Variants in RER1 observed in about 807,000 individuals in gnomAD.
RER1 encodes the protein protein RER1.
Under a neutral mutation model 28.3 loss-of-function variants are expected in RER1, and 6 were observed. That is an observed-to-expected ratio of 0.21 (90% confidence interval 0.12 to 0.42). RER1 has a LOEUF of 0.42. RER1 is among the 10% of genes least tolerant of loss of function. RER1 has a pLI of 1.00. For missense variants in RER1, 159 were observed against 252.9 expected, an observed-to-expected ratio of 0.63 and a Z score of 2.52; for synonymous variants, 110 against 95.9, an observed-to-expected ratio of 1.15 and a Z score of -0.86.
At chr1:2,398,275 A>G (rs919740575) in intron 3 of RER1, among the ~76,000 whole-genome samples, 3 of 151,872 alleles carry the variant, frequency 2.0e-5, no homozygotes, top group Admixed American at 6.6e-5. Context: ...GCGTTCAGCC[A>G]GGGATGGACA....
rs939775610 is a variant in RER1 at position 2,402,751 on chromosome 1, G to A, written c.502-284G>A. Among the ~76,000 whole-genome samples, 3 of 152,336 alleles carry A rather than the reference G, an allele frequency of 2.0e-5. No individual in the cohort carries two copies. The East Asian group carries it at 5.8e-4, about 29-fold the overall frequency. ...GTGCTGCGGGCCTCACTCTGTGCCC[G>A]GGGTGTTGGCTGCAGAGAGGGCCCT... On this transcript the variant is annotated intron_variant, in intron 6 of 6. Coordinates refer to ENST00000605895, the MANE Select transcript of RER1 (RefSeq NM_007033.5).
chr1:2,395,294 G>A, intron 1 of RER1: 1 of 169,014 alleles, frequency 5.9e-6, no homozygotes, highest in Admixed American at 5.6e-5. Flanking sequence ...TTCATGGGGT[G>A]GAGGACCTGG....
rs1162346658 is a variant in RER1 at position 2,402,285 on chromosome 1, G to A, written c.444G>A (p.Pro148=). ...CTTTCAACGTCCCGGTGTTCTGGCC[G>A]ATTCTGGTGATGTACTTCATCATGC... ...FDAFNVPVFW[P]ILVMYFIMLF... is the part of the protein sequence containing the mutation. Residue 148 remains proline, a synonymous_variant, in exon 6 of 7, where the codon CCG becomes CCA. Transcript: ENST00000605895. 5.0e-6 allele frequency: 8 copies of A among 1,614,212 alleles called. No individual in the cohort carries two copies. Among genetic ancestry groups the A allele is most frequent in the Admixed American group, 1.7e-5 (1 of 60,018 alleles).
Position 2,403,289 on chromosome 1 carries a change from T to A in RER1, c.*165T>A. On this transcript the variant is annotated 3_prime_UTR_variant, in exon 7 of 7. Transcript: ENST00000605895. Reference sequence around the variant, plus strand: ...TGAAATATCAGGTTCTAGAAGAAACTGGCGCTTAAACCAAATCGCATGGAT... The same window carrying A: ...TGAAATATCAGGTTCTAGAAGAAACAGGCGCTTAAACCAAATCGCATGGAT... The A allele has an allele frequency of 1.7e-6, 1 of 595,398 alleles. No individual in the cohort carries two copies. Among genetic ancestry groups the A allele is most frequent in the Non-Finnish European group, 3.0e-6 (1 of 330,362 alleles). The allele number at this position is 595,398 out of a possible 1,614,324, so 36.9% of individuals were successfully genotyped here. A position where few individuals can be genotyped will look rare whatever the true frequency, so the allele number is the denominator to read the frequency against.
chr1:2,397,065 G>C (rs1407383658), intron 2 of RER1, 51 bp from the exon 3 acceptor site: 2 of 1,254,450 alleles, frequency 1.6e-6, no homozygotes, highest in African/African-American at 1.5e-5. Context: ...GGCAGGGTCA[G>C]TACAGAAGTT....
intron 1 of RER1, chr1:2,395,174 G>A (rs1642750021): frequency 6.5e-6 from 1 of 152,998 alleles, no homozygotes; most frequent in Non-Finnish European, 1.5e-5. Flanking sequence ...ATTCCTCATG[G>A]CATCACAGCA....
At chr1:2,393,657 C>G (rs1366994576) in intron 1 of RER1, among the ~76,000 whole-genome samples, 9 of 152,196 alleles carry the variant, frequency 5.9e-5, no homozygotes. Flanking sequence ...CTGAGGCATC[C>G]TGGAATAGCC....
chr1:2,401,476 TCTC>T (rs1014227808), intron 5 of RER1, among the ~76,000 whole-genome samples: 1 of 136,540 alleles, frequency 7.3e-6, no homozygotes, highest in Non-Finnish European at 1.6e-5. Context: ...GGACTAGCCT[TCTC>T]CTGGAGTCAT....
intron 4 of RER1, among the ~76,000 whole-genome samples, chr1:2,400,222 G>T (rs986709461): frequency 2.0e-5 from 3 of 152,254 alleles, no homozygotes; most frequent in Non-Finnish European, 2.9e-5. Context: ...GGGGGAACCT[G>T]CTGTCAGGGA....
chr1:2,396,081 T>C (rs549539921), intron 2 of RER1: 35 of 566,218 alleles, frequency 6.2e-5, no homozygotes, highest in African/African-American at 2.1e-4. Flanking sequence ...ATCAAACATA[T>C]GCGTTTTCTG....
At chr1:2,395,977 C>T (rs970869336) in intron 2 of RER1, 106 bp downstream of exon 2, 12 of 887,738 alleles carry the variant, frequency 1.4e-5, no homozygotes, top group Non-Finnish European at 2.2e-5. Flanking sequence ...GGAGAAGTTA[C>T]TTCGCCTCAG....
intron 4 of RER1, among the ~76,000 whole-genome samples, 183 bp downstream of exon 4, chr1:2,399,697 G>A (rs1295471231): frequency 6.6e-6 from 1 of 152,216 alleles, no homozygotes; most frequent in Admixed American, 6.5e-5. Context: ...CAGCCACGAA[G>A]TGGGTGTTCA....
chr1:2,395,579 A>T, intron 1 of RER1: 1 of 563,858 alleles, frequency 1.8e-6, no homozygotes. Flanking sequence ...TCCTGGGCCC[A>T]TGCGTCTCAC....
intron 4 of RER1, among the ~76,000 whole-genome samples, chr1:2,400,112 T>C (rs772097940): frequency 3.9e-5 from 6 of 152,354 alleles, no homozygotes; most frequent in Middle Eastern, 3.4e-3. Context: ...CATGCCTGAC[T>C]GGCCAGCCCC....
chr1:2,395,709 G>C, intron 1 of RER1, 75 bp from the exon 2 acceptor site: 1 of 991,696 alleles, frequency 1.0e-6, no homozygotes, highest in South Asian at 1.3e-5. Flanking sequence ...ACTTGACAGT[G>C]TTGGTGAAAA....
chr1:2,401,285 CCTT>C (rs1393724488), intron 5 of RER1, among the ~76,000 whole-genome samples: 1 of 100,816 alleles, frequency 9.9e-6, no homozygotes, highest in Non-Finnish European at 2.1e-5. Flanking sequence ...CCTCCCTCCT[CCTT>C]CCTCCCTCCT....
At chr1:2,392,362 C>T (rs1452241910) in intron 1 of RER1, among the ~76,000 whole-genome samples, 1 of 152,234 alleles carries the variant, frequency 6.6e-6, no homozygotes, top group Non-Finnish European at 1.5e-5. Flanking sequence ...GCCCTGTCCC[C>T]ATCCTGCGTC....
At chr1:2,398,630 C>G (rs1385169897) in intron 3 of RER1, among the ~76,000 whole-genome samples, 1 of 152,256 alleles carries the variant, frequency 6.6e-6, no homozygotes, top group Non-Finnish European at 1.5e-5. Flanking sequence ...CTCAGGTGAT[C>G]CACCCGCCTT....
At chr1:2,392,173 G>T (rs970371457) in intron 1 of RER1, among the ~76,000 whole-genome samples, 2 of 151,806 alleles carry the variant, frequency 1.3e-5, no homozygotes, top group East Asian at 1.9e-4. Context: ...GTGCTGGGGG[G>T]TGCGGCGGAG....
Sources: allele counts gnomAD v4.1 joint callset (sites outside exome capture counted in the v4.1 genomes callset), GRCh38; gene constraint gnomAD v4.1.1; transcripts MANE v1.5; gene names NCBI Gene and HGNC (gene_info 2026-07-23, HGNC 2026-07-21).